The following ATP10B variants were observed in gnomAD, a reference collection of about 807,000 sequenced individuals.
ATP10B encodes phospholipid-transporting ATPase VB.
Under a neutral mutation model 141.2 loss-of-function variants are expected in ATP10B, and 122 were observed. That is an observed-to-expected ratio of 0.86 (90% CI 0.75 to 1.00). The LOEUF (loss-of-function observed/expected upper bound fraction) is 1.00, where lower values mean the gene tolerates loss of function less well. Among genes scored for constraint, ATP10B ranks in the 50% least tolerant of loss-of-function variants. ATP10B has a pLI of 0.00. For synonymous variants in ATP10B, 685 were observed against 692.0 expected, an observed-to-expected ratio of 0.99 and a Z score of 0.16; for missense variants, 1,876 against 1,825.3, an observed-to-expected ratio of 1.03 and a Z score of -0.51.
At chr5:160,886,312 A>T in the ATP10B span, among the ~76,000 whole-genome samples, 2 of 152,204 alleles carry the variant, frequency 1.3e-5, no homozygotes, top group African/African-American at 4.8e-5. Flanking sequence ...GGAACATTTG[A>T]TGGAGGACTT....
intron 1 of ATP10B, among the ~76,000 whole-genome samples, chr5:160,836,508 T>C (rs1159468878): frequency 1.3e-5 from 2 of 152,130 alleles, no homozygotes; most frequent in Non-Finnish European, 2.9e-5. Flanking sequence ...TCATTTACAT[T>C]GCCCTTCCAA....
chr5:160,812,487 T>A (rs993099651), intron 1 of ATP10B, among the ~76,000 whole-genome samples: 1 of 152,098 alleles, frequency 6.6e-6, no homozygotes, highest in Non-Finnish European at 1.5e-5. Flanking sequence ...TTGAGGAAAC[T>A]CCAAGAAATC....
the ATP10B span, among the ~76,000 whole-genome samples, chr5:160,881,310 G>A: frequency 6.6e-6 from 1 of 152,026 alleles, no homozygotes. Flanking sequence ...ACAAGAATGG[G>A]GAATAAGAGA....
At chr5:160,655,211 A>G (rs1030146070) in intron 7 of ATP10B, among the ~76,000 whole-genome samples, 10 of 152,328 alleles carry the variant, frequency 6.6e-5, no homozygotes, top group Admixed American at 5.9e-4. Context: ...AGTACCTACA[A>G]AGGGTAAGGG....
Position 160,640,563 on chromosome 5 carries a change from T to C in ATP10B, c.898A>G (p.Ser300Gly). 6.2e-7 allele frequency: 1 copy of C among 1,614,162 alleles called. No homozygotes were observed. The highest frequency in any genetic ancestry group is 8.5e-7 in the Non-Finnish European group (1 of 1,179,996). The change falls in exon 10 of 26, where the codon AGT becomes GGT. Residue 300 changes from serine to glycine, a missense_variant. Ser to Gly is a moderately conservative substitution (Grantham distance 56). Transcript: ENST00000327245. ...GHETKAMLNNSGPRYKRSKIE... is the reference protein window; with the variant it reads ...GHETKAMLNNGGPRYKRSKIE... ...TTGCTGCGTTTGTACCGGGGGCCACTGTTGTTCAGCATGGCTTTCGTCTCA... is the reference window on the plus strand; with the variant it reads ...TTGCTGCGTTTGTACCGGGGGCCACCGTTGTTCAGCATGGCTTTCGTCTCA...
chr5:160,652,872 AT>A (rs1760892030), intron 7 of ATP10B, among the ~76,000 whole-genome samples: 3 of 97,292 alleles, frequency 3.1e-5, no homozygotes, highest in Non-Finnish European at 5.6e-5. Flanking sequence ...TATATAATAT[AT>A]ATAATATATA....
intron 1 of ATP10B, among the ~76,000 whole-genome samples, chr5:160,799,646 T>C (rs1772231766): frequency 6.6e-6 from 1 of 152,190 alleles, no homozygotes. Context: ...GATGAACATT[T>C]ACAGTCTGAA....
At chr5:160,618,540 T>A (rs1485225308) in intron 15 of ATP10B, among the ~76,000 whole-genome samples, 1 of 152,230 alleles carries the variant, frequency 6.6e-6, no homozygotes, top group Non-Finnish European at 1.5e-5. Flanking sequence ...CTAGGCCTTC[T>A]CTCAATGCAA....
intron 3 of ATP10B, among the ~76,000 whole-genome samples, chr5:160,697,245 C>T (rs1764421502): frequency 6.6e-6 from 1 of 152,118 alleles, no homozygotes; most frequent in African/African-American, 2.4e-5. Flanking sequence ...AAAGACCCTC[C>T]ATAAGTTTTG....
intron 3 of ATP10B, among the ~76,000 whole-genome samples, chr5:160,708,550 A>C (rs768729340): frequency 3.9e-5 from 6 of 152,084 alleles, no homozygotes; most frequent in Non-Finnish European, 7.4e-5. Context: ...TTTCCTTTGG[A>C]CCATTAGTAA....
At chr5:160,816,583 G>A (rs956674987) in intron 1 of ATP10B, among the ~76,000 whole-genome samples, 1 of 152,146 alleles carries the variant, frequency 6.6e-6, no homozygotes, top group Non-Finnish European at 1.5e-5. Context: ...ACAAGGAGGG[G>A]CTGGTACCAT....
chr5:160,602,507 T>A, intron 21 of ATP10B, 70 bp downstream of exon 21: 2 of 1,604,612 alleles, frequency 1.2e-6, no homozygotes, highest in Non-Finnish European at 1.7e-6. Context: ...TGCCCACTGC[T>A]AGGGAGAGAT....
chr5:160,684,517 C>T (rs1039121366), intron 6 of ATP10B, among the ~76,000 whole-genome samples: 1 of 152,174 alleles, frequency 6.6e-6, no homozygotes, highest in Admixed American at 6.5e-5. Context: ...GTGTCCTCAA[C>T]CAGCCTTAAA....
chr5:160,757,655 T>G (rs561771489), intron 2 of ATP10B, among the ~76,000 whole-genome samples: 1 of 152,176 alleles, frequency 6.6e-6, no homozygotes, highest in African/African-American at 2.4e-5. Context: ...TTTAAACAGA[T>G]AAGCATAGGA....
intron 1 of ATP10B, among the ~76,000 whole-genome samples, chr5:160,818,545 T>C (rs1240197774): frequency 3.3e-5 from 5 of 152,226 alleles, no homozygotes; most frequent in Non-Finnish European, 2.9e-5. Flanking sequence ...TTTTACACTG[T>C]TGGTGGGACT....
chr5:160,640,333 G>T, intron 10 of ATP10B, 128 bp downstream of exon 10: 3 of 969,112 alleles, frequency 3.1e-6, no homozygotes, highest in Non-Finnish European at 3.0e-6. Flanking sequence ...CATTTCATTG[G>T]CATCCCGTTA....
intron 8 of ATP10B, among the ~76,000 whole-genome samples, chr5:160,647,428 A>C (rs1760371533): frequency 6.6e-6 from 1 of 152,184 alleles, no homozygotes; most frequent in Non-Finnish European, 1.5e-5. Flanking sequence ...CATGAGGCCC[A>C]GTCATGTGGA....
chr5:160,778,460 C>T (rs1770491583), intron 2 of ATP10B, among the ~76,000 whole-genome samples: 1 of 152,098 alleles, frequency 6.6e-6, no homozygotes, highest in South Asian at 2.1e-4. Context: ...CATAATAGAG[C>T]AAAGAAGAGG....
At chr5:160,860,176 A>T in the ATP10B span, among the ~76,000 whole-genome samples, 1 of 151,936 alleles carries the variant, frequency 6.6e-6, no homozygotes, top group African/African-American at 2.4e-5. Context: ...TTGGCTCATG[A>T]AATGAAAGCC....
Sources: gnomAD v4.1 joint callset for allele counts (sites outside exome capture counted in the v4.1 genomes callset) on GRCh38, gnomAD v4.1.1 for gene constraint, MANE v1.5 for transcripts, NCBI Gene and HGNC (gene_info 2026-07-23, HGNC 2026-07-21) for gene names.